EYS: variants seen among roughly 807,000 people sequenced by gnomAD.
EYS encodes the protein EGF-like photoreceptor maintenance factor.
A neutral mutation model predicts 282.1 loss-of-function variants in EYS; 250 were observed. The ratio of observed to expected loss-of-function variants is 0.89; its 90% CI spans 0.80 to 0.98. The LOEUF is 0.98. Ranked by LOEUF, EYS falls within the 50% of genes least tolerant of loss-of-function variation. The pLI is 0.00. For missense variants in EYS, 4,016 were observed against 3,709.0 expected, an observed-to-expected ratio of 1.08 and a Z score of -2.15; for synonymous variants, 1,355 against 1,282.9, an observed-to-expected ratio of 1.06 and a Z score of -1.20.
chr6:64,006,893 G>T (rs1320861144), intron 33 of EYS, among the ~76,000 whole-genome samples: 12 of 152,078 alleles, frequency 7.9e-5, no homozygotes, highest in Admixed American at 7.9e-4. Context: ...GATTTGGTTT[G>T]CCCATATTTT....
At position 65,348,389 on chromosome 6, in the gene EYS, A is replaced by G. The variant is rs1230846651; in HGVS notation, c.1460-4212T>C. ...GTTCCCTTTTCTATACATTCCTGCTAGCATTTGTTATTGCCTGTCCTTTGC... is the reference window on the plus strand; with the variant it reads ...GTTCCCTTTTCTATACATTCCTGCTGGCATTTGTTATTGCCTGTCCTTTGC... On this transcript the variant is annotated intron_variant, in intron 9 of 42. Transcript: ENST00000503581. 3.3e-5 allele frequency among the ~76,000 whole-genome samples: 5 copies of G among 151,756 alleles called. No homozygotes were observed. In the East Asian group the frequency reaches 9.8e-4, roughly 30 times the overall value.
intron 24 of EYS, among the ~76,000 whole-genome samples, chr6:64,601,608 G>C (rs1282523307): frequency 2.0e-5 from 3 of 151,868 alleles, no homozygotes; most frequent in African/African-American, 7.3e-5. Context: ...CATAATAATT[G>C]TTAGAGCCTA....
intron 22 of EYS, among the ~76,000 whole-genome samples, chr6:64,712,165 A>G (rs1251329114): frequency 6.6e-6 from 1 of 152,190 alleles, no homozygotes; most frequent in Non-Finnish European, 1.5e-5. Context: ...GCTACTATCA[A>G]TTCCATAACA....
intron 18 of EYS, among the ~76,000 whole-genome samples, chr6:64,899,365 C>G (rs1433717453): frequency 6.6e-6 from 1 of 151,618 alleles, no homozygotes; most frequent in Admixed American, 6.6e-5. Flanking sequence ...GGGTAAATAA[C>G]AAAATCAGGC....
At chr6:64,141,379 G>T (rs1376066762) in intron 31 of EYS, among the ~76,000 whole-genome samples, 1 of 152,198 alleles carries the variant, frequency 6.6e-6, no homozygotes, top group Non-Finnish European at 1.5e-5. Context: ...TGAAAAGAGA[G>T]AAATCACTTC....
chr6:65,286,696 T>A (rs1258160664), intron 12 of EYS, among the ~76,000 whole-genome samples: 3 of 151,668 alleles, frequency 2.0e-5, no homozygotes, highest in African/African-American at 7.2e-5. Context: ...AAAAACAAGC[T>A]ATCAAAATAA....
chr6:65,655,906 T>C (rs1292191802), intron 1 of EYS, among the ~76,000 whole-genome samples: 3 of 151,888 alleles, frequency 2.0e-5, no homozygotes, highest in Non-Finnish European at 4.4e-5. Context: ...TTTGAGAGGA[T>C]TGACTCTAAT....
At chr6:65,666,078 T>A (rs1460908310) in intron 1 of EYS, among the ~76,000 whole-genome samples, 2 of 151,948 alleles carry the variant, frequency 1.3e-5, no homozygotes, top group Admixed American at 1.3e-4. Context: ...ATCTTTTTTT[T>A]TTTTTACATT....
At chr6:64,164,467 T>C (rs1166890017) in intron 31 of EYS, among the ~76,000 whole-genome samples, 68 of 152,120 alleles carry the variant, frequency 4.5e-4, no homozygotes, top group Non-Finnish European at 2.1e-4. Context: ...CACCTGAGTT[T>C]TATATGCTTA....
chr6:65,076,260 A>G (rs1205340565), intron 12 of EYS, among the ~76,000 whole-genome samples: 1 of 152,032 alleles, frequency 6.6e-6, no homozygotes, highest in African/African-American at 2.4e-5. Context: ...ACTTAAAACT[A>G]GGAAAAAATA....
At chr6:63,986,422 A>T (rs373640759) in intron 34 of EYS, among the ~76,000 whole-genome samples, 1 of 151,694 alleles carries the variant, frequency 6.6e-6, no homozygotes, top group Non-Finnish European at 1.5e-5. Flanking sequence ...CCATTACTGG[A>T]TATATACCCA....
intron 2 of EYS, among the ~76,000 whole-genome samples, chr6:65,564,916 TAAAC>T (rs1433602342): frequency 6.8e-6 from 1 of 147,710 alleles, no homozygotes; most frequent in African/African-American, 2.5e-5. Context: ...ACAAGGAACT[TAAAC>T]AAATTTAAAA....
chr6:64,307,126 A>G (rs1769484184), intron 29 of EYS, 44 bp from the exon 30 acceptor site: 2 of 984,736 alleles, frequency 2.0e-6, no homozygotes, highest in African/African-American at 1.6e-5. Flanking sequence ...AATTTAAATG[A>G]TTTTCTTGAA....
At chr6:64,654,658 A>G (rs931161009) in intron 22 of EYS, among the ~76,000 whole-genome samples, 1 of 152,214 alleles carries the variant, frequency 6.6e-6, no homozygotes, top group African/African-American at 2.4e-5. Flanking sequence ...GAAAAATGTT[A>G]TGATGCTATT....
chr6:64,742,971 G>A (rs150966110), intron 22 of EYS, among the ~76,000 whole-genome samples: 2 of 152,196 alleles, frequency 1.3e-5, no homozygotes, highest in East Asian at 1.9e-4. Flanking sequence ...GAATACGGAA[G>A]ACTTAAGATT....
chr6:64,784,661 CTTG>C (rs572939735), intron 22 of EYS, among the ~76,000 whole-genome samples: 184 of 151,932 alleles, frequency 1.2e-3, no homozygotes, highest in African/African-American at 4.3e-3. Context: ...TATATTACTG[CTTG>C]TTGTTGTTGT....
chr6:64,444,332 A>G (rs1396588828), intron 26 of EYS, among the ~76,000 whole-genome samples: 1 of 152,192 alleles, frequency 6.6e-6, no homozygotes. Context: ...GATGAGGTTT[A>G]TGTTGAGAAA....
At position 65,276,436 on chromosome 6, in the gene EYS, C is replaced by G. The variant is rs1768050777; in HGVS notation, c.2023+19427G>C. On this transcript the variant is annotated intron_variant, in intron 12 of 42. Transcript: ENST00000503581. ...AAGAAAAAAAAAAAGATTCCTGACA[C>G]TTAGTTAAGACTGCCACTGGGTCAC... Among the ~76,000 whole-genome samples the G allele has an allele frequency of 1.3e-5, 2 of 151,822 alleles. 1 individual carries two copies. Among genetic ancestry groups the G allele is most frequent in the Non-Finnish European group, 2.9e-5 (2 of 67,964 alleles).
chr6:64,662,619 T>C (rs374063310), intron 22 of EYS, among the ~76,000 whole-genome samples: 30 of 152,358 alleles, frequency 2.0e-4, no homozygotes, highest in African/African-American at 5.3e-4. Context: ...GTTTGTATAA[T>C]AGTTTGTAAT....
Sources: allele counts gnomAD v4.1 joint callset (sites outside exome capture counted in the v4.1 genomes callset), GRCh38; gene constraint gnomAD v4.1.1; transcripts MANE v1.5; gene names NCBI Gene and HGNC (gene_info 2026-07-23, HGNC 2026-07-21).